The following PAPPA2 variants were observed in gnomAD, a reference collection of about 807,000 sequenced individuals.
The protein encoded by PAPPA2 is pappalysin-2.
PAPPA2 carries 86 observed loss-of-function variants against 176.4 expected under a neutral mutation model. The observed-to-expected ratio is 0.49, with a 90% CI of 0.41 to 0.58. The LOEUF is 0.58. PAPPA2 is among the 20% of genes least tolerant of loss of function. The probability of loss-of-function intolerance (pLI) is 0.00; values close to 1 mark genes in which losing one functional copy is unlikely to be tolerated. For missense variants in PAPPA2, 2,073 were observed against 2,256.9 expected, an observed-to-expected ratio of 0.92 and a Z score of 1.65; for synonymous variants, 809 against 852.2, an observed-to-expected ratio of 0.95 and a Z score of 0.88.
chr1:176,480,538 GC>G (rs1652344655), intron 1 of PAPPA2, among the ~76,000 whole-genome samples: 1 of 152,098 alleles, frequency 6.6e-6, no homozygotes, highest in Non-Finnish European at 1.5e-5. Flanking sequence ...GGGCATGGAG[GC>G]GGGAAGGCTG....
chr1:176,467,752 C>A (rs562788276), intron 1 of PAPPA2, among the ~76,000 whole-genome samples: 8 of 152,304 alleles, frequency 5.3e-5, no homozygotes, highest in African/African-American at 1.9e-4. Flanking sequence ...TTTGGCACTT[C>A]AGTACAAACC....
chr1:176,536,423 G>A (rs750146703), intron 1 of PAPPA2, among the ~76,000 whole-genome samples: 2 of 152,158 alleles, frequency 1.3e-5, no homozygotes, highest in Non-Finnish European at 2.9e-5. Flanking sequence ...TGACACACAT[G>A]GTATAGATTT....
At chr1:176,815,919 C>T (rs898257580) in intron 21 of PAPPA2, among the ~76,000 whole-genome samples, 1 of 151,752 alleles carries the variant, frequency 6.6e-6, no homozygotes, top group Admixed American at 6.6e-5. Context: ...TTCAGATATG[C>T]GTTTGTCTCA....
intron 4 of PAPPA2, among the ~76,000 whole-genome samples, chr1:176,682,494 A>C (rs1286561596): frequency 6.6e-6 from 1 of 152,140 alleles, no homozygotes; most frequent in East Asian, 1.9e-4. Flanking sequence ...ATTTTTAAAA[A>C]TTTTAATTAT....
At chr1:176,811,631 T>C (rs1270746130) in intron 21 of PAPPA2, among the ~76,000 whole-genome samples, 7 of 152,056 alleles carry the variant, frequency 4.6e-5, no homozygotes, top group Non-Finnish European at 1.5e-5. Context: ...CAGAGAAAAA[T>C]TGAAAATTTG....
chr1:176,536,374 C>T (rs1338749340), intron 1 of PAPPA2, among the ~76,000 whole-genome samples: 3 of 152,130 alleles, frequency 2.0e-5, no homozygotes, highest in Non-Finnish European at 2.9e-5. Flanking sequence ...TATCTGTTGC[C>T]ACAATCATGC....
chr1:176,684,221 A>G (rs972467234), intron 4 of PAPPA2, among the ~76,000 whole-genome samples: 1 of 152,208 alleles, frequency 6.6e-6, no homozygotes, highest in African/African-American at 2.4e-5. Context: ...TGAGTGGAGT[A>G]AGAAGAAGAG....
In PAPPA2 at chr1:176,716,062, G is replaced by A. The variant is rs73046394; in HGVS notation, c.3798+4081G>A. 3.3e-3 allele frequency among the ~76,000 whole-genome samples: 498 copies of A among 151,292 alleles called. 2 individuals are homozygous for A. The highest frequency in any genetic ancestry group is 8.0e-3 in the African/African-American group (331 of 41,332). On this transcript the variant is annotated intron_variant, in intron 12 of 22. Transcript: ENST00000367662. ...CAAAAAATCTATGAACAAACTACCC[G>A]ATAACACAAATACAATGAGGGTACT...
Position 176,692,185 on chromosome 1 carries a change from G to T in PAPPA2, c.2491G>T (p.Asp831Tyr). The T allele has an allele frequency of 6.2e-7, 1 of 1,613,978 alleles. No homozygotes were observed. Among genetic ancestry groups the T allele is most frequent in the Non-Finnish European group, 8.5e-7 (1 of 1,179,966 alleles). Residue 831 changes from aspartate (D) to tyrosine (Y), a missense_variant, in exon 6 of 23, where the codon GAC (aspartate) becomes TAC (tyrosine). Coordinates refer to ENST00000367662, the MANE Select transcript of PAPPA2 (RefSeq NM_020318.3). ...AGTGGCCCGAATGCATTGCTATTTG[G>T]ACCTAGTCTATCAGCAGTGGACTGA... is the stretch of plus-strand genomic sequence containing the variant. ...NQVARMHCYL[D>Y]LVYQQWTESR...
At chr1:176,728,349 G>C (rs1393893764) in intron 12 of PAPPA2, among the ~76,000 whole-genome samples, 1 of 151,802 alleles carries the variant, frequency 6.6e-6, no homozygotes, top group Non-Finnish European at 1.5e-5. Flanking sequence ...TAGTATCACA[G>C]TTTAATACAA....
rs115975587 is a variant in PAPPA2 at position 176,549,873 on chromosome 1, A to G, written c.-916-5534A>G. Among the ~76,000 whole-genome samples the G allele has an allele frequency of 7.7e-3, 1,166 of 152,366 alleles. 18 individuals are homozygous for G. The highest frequency in any genetic ancestry group is 0.027 in the African/African-American group (1,111 of 41,580). On this transcript the variant is annotated intron_variant, in intron 1 of 22. Coordinates refer to ENST00000367662, the MANE Select transcript of PAPPA2 (RefSeq NM_020318.3). ...CAACATTTACTGAGGCATAATCTACATATAGCAACCTTTTTTAGTACACAG... is the reference window on the plus strand; with the variant it reads ...CAACATTTACTGAGGCATAATCTACGTATAGCAACCTTTTTTAGTACACAG...
chr1:176,650,246 T>C (rs1164982012), intron 3 of PAPPA2, among the ~76,000 whole-genome samples: 1 of 151,658 alleles, frequency 6.6e-6, no homozygotes. Context: ...GTTGCATGAA[T>C]GTCTTTTCTT....
chr1:176,829,971 G>A (rs1275591358), intron 21 of PAPPA2, among the ~76,000 whole-genome samples: 1 of 152,220 alleles, frequency 6.6e-6, no homozygotes, highest in Non-Finnish European at 1.5e-5. Context: ...AGAGTCTACT[G>A]TGAATGAGCC....
At chr1:176,558,469 G>A (rs1181839559) in intron 2 of PAPPA2, among the ~76,000 whole-genome samples, 4 of 152,180 alleles carry the variant, frequency 2.6e-5, no homozygotes, top group Admixed American at 2.6e-4. Context: ...CGGACACTCT[G>A]TCTCCCCCTC....
rs748275014 is a variant in PAPPA2 at position 176,543,372 on chromosome 1, C to A, written c.-916-12035C>A. ...TCTGTTTAAGGAAATCCTTCCAGAG[C>A]CCCCACCTGGAGTTTACCCTCAATC... On this transcript the variant is annotated intron_variant, in intron 1 of 22. Coordinates refer to ENST00000367662, the MANE Select transcript of PAPPA2 (RefSeq NM_020318.3). Among the ~76,000 whole-genome samples, 222 of 152,270 alleles carry A rather than the reference C, an allele frequency of 1.5e-3. 2 individuals carry two copies. The highest frequency in any genetic ancestry group is 2.8e-3 in the Non-Finnish European group (191 of 68,030).
At chr1:176,716,461 G>T (rs983832446) in intron 12 of PAPPA2, among the ~76,000 whole-genome samples, 1 of 151,340 alleles carries the variant, frequency 6.6e-6, no homozygotes, top group Non-Finnish European at 1.5e-5. Flanking sequence ...AGTCAGGCTG[G>T]TCTCAAACTC....
chr1:176,616,671 T>C, intron 3 of PAPPA2: 1 of 1,552,224 alleles, frequency 6.4e-7, no homozygotes, highest in East Asian at 2.3e-5. Flanking sequence ...GGTAGCTCCA[T>C]ACTTCTTAAG....
At chr1:176,631,143 T>G (rs1248805061) in intron 3 of PAPPA2, among the ~76,000 whole-genome samples, 1 of 152,124 alleles carries the variant, frequency 6.6e-6, no homozygotes, top group Non-Finnish European at 1.5e-5. Context: ...ATAAGAGAAT[T>G]TCTCAAATGA....
intron 4 of PAPPA2, among the ~76,000 whole-genome samples, chr1:176,683,941 CT>C (rs1659711301): frequency 6.6e-6 from 1 of 152,140 alleles, no homozygotes; most frequent in South Asian, 2.1e-4. Flanking sequence ...CATTATTTCC[CT>C]TTGGTCTCTT....
Sources: allele counts gnomAD v4.1 joint callset (sites outside exome capture counted in the v4.1 genomes callset), GRCh38; gene constraint gnomAD v4.1.1; transcripts MANE v1.5; gene names NCBI Gene and HGNC (gene_info 2026-07-23, HGNC 2026-07-21).